PIWIL2: variants seen among roughly 807,000 people sequenced by gnomAD.
PIWIL2 encodes the protein piwi like RNA-mediated gene silencing 2.
Under a neutral mutation model 116.5 loss-of-function variants are expected in PIWIL2, and 81 were observed. The observed-to-expected ratio is 0.70, with a 90% CI of 0.58 to 0.84. The LOEUF is 0.84. PIWIL2 is among the 40% of genes least tolerant of loss of function. The probability of loss-of-function intolerance (pLI) is 0.00; values close to 1 mark genes in which losing one functional copy is unlikely to be tolerated. For synonymous variants in PIWIL2, 489 were observed against 429.5 expected, an observed-to-expected ratio of 1.14 and a Z score of -1.71; for missense variants, 1,272 against 1,212.3, an observed-to-expected ratio of 1.05 and a Z score of -0.73.
At position 22,304,005 on chromosome 8, in the gene PIWIL2, T is replaced by G. The variant is rs1292202591; in HGVS notation, c.1182-16T>G. On this transcript the variant is annotated splice_polypyrimidine_tract_variant and intron_variant, in intron 10 of 22. Coordinates refer to ENST00000356766, the MANE Select transcript of PIWIL2 (RefSeq NM_018068.5). ...ATATATACTGTGATCCAAAAGTCTT[T>G]TATCTCTTTCCAAAGGCATGCCATT... 1.3e-6 allele frequency: 2 copies of G among 1,588,478 alleles called. No individual in the cohort carries two copies. The highest frequency in any genetic ancestry group is 1.3e-5 in the African/African-American group (1 of 74,282).
chr8:22,290,473 G>A, intron 10 of PIWIL2, 127 bp downstream of exon 10: 1 of 593,550 alleles, frequency 1.7e-6, no homozygotes, highest in Non-Finnish European at 3.1e-6. Flanking sequence ...ACAGGGTCTT[G>A]TTTTGTCACC....
chr8:22,331,048 C>T (rs1831850218), intron 20 of PIWIL2, among the ~76,000 whole-genome samples: 1 of 152,010 alleles, frequency 6.6e-6, no homozygotes, highest in South Asian at 2.1e-4. Context: ...TGGTGGTGGA[C>T]TCCTGTAATC....
At position 22,315,196 on chromosome 8, in the gene PIWIL2, C is replaced by G. The variant is rs1831428920; in HGVS notation, c.2208+51C>G. The stretch of plus-strand genomic sequence containing the variant: ...TTGCCTCTCCAGAGAATCCTCCAAG[C>G]TGTTTTCCTGTTTTTCCTTATTCGT... On this transcript the variant is annotated intron_variant, in intron 18 of 22. Transcript: ENST00000356766. 9.1e-6 allele frequency: 9 copies of G among 984,358 alleles called. No homozygotes were observed. In the East Asian group the frequency reaches 2.2e-4, roughly 24 times the overall value. The allele number at this position is 984,358 out of a possible 1,614,324, so 61.0% of individuals were successfully genotyped here.
Position 22,355,496 on chromosome 8 carries a change from C to T in PIWIL2, c.2913C>T (p.Phe971=), listed in dbSNP as rs1469121880. Residue 971 remains phenylalanine, a synonymous_variant, in exon 23 of 23, where the codon TTC becomes TTT. Coordinates refer to ENST00000356766, the MANE Select transcript of PIWIL2 (RefSeq NM_018068.5). ...CCATCCAGCTGTGCGAGAACCTGTT[C>T]TTCCTGTGACTGCACAGCTTGGAGA... ...EPAIQLCENL[F]FL 6.2e-7 allele frequency: 1 copy of T among 1,613,950 alleles called. No individual in the cohort carries two copies. Among genetic ancestry groups the T allele is most frequent in the East Asian group, 2.2e-5 (1 of 44,884 alleles).
chr8:22,316,987 C>G (rs867186673), intron 19 of PIWIL2, among the ~76,000 whole-genome samples: 12 of 152,104 alleles, frequency 7.9e-5, no homozygotes, highest in South Asian at 2.1e-4. Context: ...ACCATGTTGC[C>G]CAGGCTGGTC....
intron 21 of PIWIL2, 74 bp downstream of exon 21, chr8:22,353,286 G>T: frequency 1.5e-6 from 2 of 1,339,572 alleles, no homozygotes; most frequent in South Asian, 2.7e-5. Context: ...GTATTGGAAT[G>T]GGGAGGTTTC....
In PIWIL2 at chr8:22,287,537, G is replaced by A; in HGVS notation, c.753G>A (p.Val251=). The change falls in exon 7 of 23, where the codon GTG becomes GTA. Residue 251 remains valine, a synonymous_variant. Transcript: ENST00000356766. Reference sequence around the variant, plus strand: ...CTTCATTATTTTCCAGCCCCAATGTGGAGTGCAAAAGCATGAGGTTCGGCA... The same window carrying A: ...CTTCATTATTTTCCAGCCCCAATGTAGAGTGCAAAAGCATGAGGTTCGGCA... ...YQYHVTFSPN[V]ECKSMRFGML... The A allele has an allele frequency of 1.2e-6, 2 of 1,608,896 alleles. No homozygotes were observed. Among genetic ancestry groups the A allele is most frequent in the Non-Finnish European group, 1.7e-6 (2 of 1,175,204 alleles).
chr8:22,344,294 C>G (rs1279866152), intron 20 of PIWIL2, among the ~76,000 whole-genome samples: 3 of 152,108 alleles, frequency 2.0e-5, no homozygotes, highest in African/African-American at 7.2e-5. Context: ...TTTGTCAAAA[C>G]CCATAGAACT....
chr8:22,345,513 A>C (rs1832206985), intron 20 of PIWIL2, among the ~76,000 whole-genome samples: 1 of 152,004 alleles, frequency 6.6e-6, no homozygotes, highest in Non-Finnish European at 1.5e-5. Flanking sequence ...ATACAAAAAC[A>C]ATTAGCTGGG....
rs150723884 is a variant in PIWIL2, at chr8:22,354,350, G to T, written c.2737G>T (p.Ala913Ser). 2 of 1,611,374 alleles carry T rather than the reference G, an allele frequency of 1.2e-6. No homozygotes were observed. The highest frequency in any genetic ancestry group is 8.5e-7 in the Non-Finnish European group (1 of 1,177,662). ...PTHYVCVLNT[A>S]NLSPDHMQRL... ...GCATTATGTCTGTGTTCTCAACACC[G>T]CAAACCTGAGCCCTGATCATATGCA... The change falls in exon 22 of 23, where the codon GCA becomes TCA. Residue 913 changes from alanine (A) to serine (S), a missense_variant. Ala to Ser is a moderately conservative substitution (Grantham distance 99). Coordinates refer to ENST00000356766, the MANE Select transcript of PIWIL2 (RefSeq NM_018068.5).
chr8:22,304,024 T>G lies in PIWIL2; in HGVS notation c.1185T>G (p.His395Gln). 1 of 1,609,482 alleles carries G rather than the reference T, an allele frequency of 6.2e-7. No individual in the cohort carries two copies. Among genetic ancestry groups the G allele is most frequent in the African/African-American group, 1.3e-5 (1 of 74,890 alleles). The change falls in exon 11 of 23, where the codon CAT becomes CAG. Residue 395 changes from histidine (H) to glutamine (Q), a missense_variant. Physicochemically the swap from His to Gln is conservative, Grantham distance 24. Transcript: ENST00000356766. Reference protein sequence around the residue: ...IRNDCVLDVMHAIYQQNKEHF... With the variant: ...IRNDCVLDVMQAIYQQNKEHF... ...AGTCTTTTATCTCTTTCCAAAGGCA[T>G]GCCATTTATCAGCAGAATAAAGAAC...
At chr8:22,337,266 C>T in intron 20 of PIWIL2, among the ~76,000 whole-genome samples, 1 of 152,074 alleles carries the variant, frequency 6.6e-6, no homozygotes, top group East Asian at 1.9e-4. Flanking sequence ...AGAGTACACA[C>T]ACACACACAA....
rs374141248 is a variant in PIWIL2, at chr8:22,353,173, C to T, written c.2618C>T (p.Pro873Leu). The T allele has an allele frequency of 6.2e-7, 1 of 1,613,776 alleles. No individual in the cohort carries two copies. Among genetic ancestry groups the T allele is most frequent in the African/African-American group, 1.3e-5 (1 of 74,898 alleles). The change falls in exon 21 of 23, where the codon CCT becomes CTT. Residue 873 changes from proline (P) to leucine (L), a missense_variant. Coordinates refer to ENST00000356766, the MANE Select transcript of PIWIL2 (RefSeq NM_018068.5). ...CCTCAGAACTTTGTAACTCCCACTCCTGGAACTGTGGTAGATCATACAATA... is the reference window on the plus strand; with the variant it reads ...CCTCAGAACTTTGTAACTCCCACTCTTGGAACTGTGGTAGATCATACAATA... The part of the protein sequence containing the change: ...AAPQNFVTPT[P>L]GTVVDHTITS...
intron 10 of PIWIL2, among the ~76,000 whole-genome samples, chr8:22,296,124 C>T (rs186284597): frequency 2.2e-4 from 32 of 147,932 alleles, no homozygotes; most frequent in African/African-American, 6.0e-4. Context: ...GGTGCGATCT[C>T]GGCTCACTGC....
chr8:22,329,632 C>T (rs140145996), intron 20 of PIWIL2, among the ~76,000 whole-genome samples: 1 of 152,246 alleles, frequency 6.6e-6, no homozygotes, highest in East Asian at 1.9e-4. Flanking sequence ...CATGCCCCAC[C>T]TCCAGTATTG....
chr8:22,355,515 T>C lies in PIWIL2; in HGVS notation c.*10T>C. ...CCTGTTCTTCCTGTGACTGCACAGC[T>C]TGGAGATGGGCTGGTGAGAAGAAAG... is the stretch of plus-strand genomic sequence containing the variant. On this transcript the variant is annotated 3_prime_UTR_variant, in exon 23 of 23. Transcript: ENST00000356766. 6.2e-7 allele frequency: 1 copy of C among 1,612,250 alleles called. No homozygotes were observed. Among genetic ancestry groups the C allele is most frequent in the East Asian group, 2.2e-5 (1 of 44,834 alleles).
In PIWIL2 at chr8:22,355,453, T is replaced by C. The variant is rs745678980; in HGVS notation, c.2870T>C (p.Ile957Thr). ...AAGCTAGCTTTCCTGTCAGGACACA[T>C]CTTGCATCATGAACCAGCCATCCAG... ...AHKLAFLSGHILHHEPAIQLC... is the reference protein window; with the variant it reads ...AHKLAFLSGHTLHHEPAIQLC... The change falls in exon 23 of 23, where the codon ATC (isoleucine) becomes ACC (threonine). Residue 957 changes from isoleucine (I) to threonine (T), a missense_variant. Coordinates refer to ENST00000356766, the MANE Select transcript of PIWIL2 (RefSeq NM_018068.5). 1.9e-6 allele frequency: 3 copies of C among 1,614,184 alleles called. No homozygotes were observed. Among genetic ancestry groups the C allele is most frequent in the Middle Eastern group, 1.6e-4 (1 of 6,062 alleles).
Position 22,335,839 on chromosome 8 carries a change from G to A in PIWIL2, c.2404-17120G>A, listed in dbSNP as rs147436822. Among the ~76,000 whole-genome samples, 51 of 152,226 alleles carry A rather than the reference G, an allele frequency of 3.4e-4. No homozygotes were observed. The East Asian group carries it at 7.9e-3, about 24-fold the overall frequency. On this transcript the variant is annotated intron_variant, in intron 20 of 22. Coordinates refer to ENST00000356766, the MANE Select transcript of PIWIL2 (RefSeq NM_018068.5). ...CTCCCAAAGTGGTGGGATTACAGGC[G>A]TGAGCCACTGTGCCCGGCCTCAGAC...
chr8:22,349,415 G>GTATATATATATATATA (rs540224852), intron 20 of PIWIL2, among the ~76,000 whole-genome samples: 110 of 134,898 alleles, frequency 8.2e-4, no homozygotes, highest in Middle Eastern at 3.9e-3. Context: ...ATATATGTGT[G>GTATATATATATATATA]TGTGTATATA....
Sources: allele counts gnomAD v4.1 joint callset (sites outside exome capture counted in the v4.1 genomes callset), GRCh38; gene constraint gnomAD v4.1.1; transcripts MANE v1.5; gene names NCBI Gene and HGNC (gene_info 2026-07-23, HGNC 2026-07-21).